The following TCF12 variants were observed in gnomAD, a reference collection of about 807,000 sequenced individuals.
TCF12 encodes the protein transcription factor 12, also known as DNA-binding protein HTF4.
TCF12 carries 45 observed loss-of-function variants against 86.0 expected under a neutral mutation model. The ratio of observed to expected loss-of-function variants is 0.52; its 90% CI spans 0.41 to 0.67. TCF12 has a LOEUF of 0.67. Among genes scored for constraint, TCF12 ranks in the 30% least tolerant of loss-of-function variants. The probability of loss-of-function intolerance (pLI) is 0.00; values close to 1 mark genes in which losing one functional copy is unlikely to be tolerated. For synonymous variants in TCF12, 330 were observed against 299.6 expected (o/e 1.10, Z -1.05); for missense variants, 881 against 859.9 (o/e 1.02, Z -0.31).
chr15:57,174,985 C>T lies in TCF12; in HGVS notation c.390+8519C>T, dbSNP rs1256315988. On this transcript the variant is annotated intron_variant, in intron 6 of 20. Transcript: ENST00000333725. The stretch of plus-strand genomic sequence containing the variant: ...AGAAAACAAAACAAAAACTAAAAGA[C>T]TTCTGCTTATCAAAAGACATAGGTT... Among the ~76,000 whole-genome samples the T allele has an allele frequency of 5.3e-5, 8 of 152,090 alleles. No individual in the cohort carries two copies. The South Asian group carries it at 1.7e-3, about 32-fold the overall frequency.
chr15:57,284,523 T>C (rs1248697812), intron 20 of TCF12, among the ~76,000 whole-genome samples: 2 of 152,226 alleles, frequency 1.3e-5, no homozygotes, highest in Non-Finnish European at 2.9e-5. Context: ...AAATTAACTT[T>C]GAAGTTTTAA....
intron 3 of TCF12, among the ~76,000 whole-genome samples, chr15:57,034,857 A>G (rs1287748512): frequency 6.6e-6 from 1 of 152,226 alleles, no homozygotes; most frequent in Non-Finnish European, 1.5e-5. Context: ...AACAGTGAGA[A>G]ATAATCTGTA....
chr15:56,984,292 G>GTGTC (rs1489201502), intron 3 of TCF12, among the ~76,000 whole-genome samples: 2 of 149,512 alleles, frequency 1.3e-5, no homozygotes. Context: ...GTGTGTGTGT[G>GTGTC]TGAAGGGTGG....
rs558581004 is a variant in TCF12 at position 57,111,864 on chromosome 15, A to G, written c.325+19973A>G. Among the ~76,000 whole-genome samples the G allele has an allele frequency of 7.9e-5, 12 of 152,278 alleles. No individual in the cohort carries two copies. The South Asian group carries it at 2.5e-3, about 32-fold the overall frequency. On this transcript the variant is annotated intron_variant, in intron 5 of 20. Transcript: ENST00000333725. ...AGCCTCAGCCTTTCGGAGTGCTAGG[A>G]TTACAGGCATTAGCCACCGCACCTG...
intron 3 of TCF12, among the ~76,000 whole-genome samples, chr15:56,991,521 G>A (rs1281007024): frequency 6.6e-6 from 1 of 152,128 alleles, no homozygotes; most frequent in African/African-American, 2.4e-5. Context: ...GTAAAGTTTG[G>A]ACCTATTTAT....
chr15:57,231,201 G>C lies in TCF12; in HGVS notation c.629G>C (p.Ser210Thr), dbSNP rs772275976. 3 of 1,613,170 alleles carry C rather than the reference G, an allele frequency of 1.9e-6. No homozygotes were observed. In the South Asian group the frequency reaches 3.3e-5, roughly 18 times the overall value. Residue 210 changes from serine (S) to threonine (T), a missense_variant, in exon 9 of 21, where the codon AGT becomes ACT. By Grantham distance (58) the Ser-to-Thr change is moderately conservative. Coordinates refer to ENST00000333725, the MANE Select transcript of TCF12 (RefSeq NM_207037.2). ...NSDDFNRESP[S>T]YPSPKPPTSM... is the part of the protein sequence containing the mutation. The stretch of plus-strand genomic sequence containing the variant: ...GATGATTTCAACCGTGAATCTCCTA[G>C]TTATCCATCTCCTAAGCCACCAACC...
rs1307256963 is a variant in TCF12 at position 57,170,707 on chromosome 15, TATATA to T, written c.390+4247_390+4251del. Among the ~76,000 whole-genome samples the T allele has an allele frequency of 3.4e-3, 50 of 14,742 alleles. 2 individuals are homozygous for T. Among genetic ancestry groups the T allele is most frequent in the African/African-American group, 9.9e-3 (33 of 3,320 alleles). 9.7% of individuals were successfully genotyped at this position (14,742 alleles called of 152,430 possible). Reference sequence around the variant, plus strand: ...TATATATAATATATATTATATATAATATATAATATATATATTATATATTATATATA... The same window carrying T: ...TATATATAATATATATTATATATAATATATATATATTATATATTATATATA... On this transcript the variant is annotated intron_variant, in intron 6 of 20. Transcript: ENST00000333725.
chr15:56,942,764 ATTCCT>A (rs2060835432), intron 3 of TCF12, among the ~76,000 whole-genome samples: 1 of 152,154 alleles, frequency 6.6e-6, no homozygotes, highest in Non-Finnish European at 1.5e-5. Context: ...TTAATTTTAT[ATTCCT>A]TTCCATTTCT....
chr15:56,925,679 A>G (rs987554097), intron 3 of TCF12, among the ~76,000 whole-genome samples: 4 of 152,228 alleles, frequency 2.6e-5, no homozygotes, highest in Non-Finnish European at 2.9e-5. Context: ...ACTATTAGAA[A>G]GGCTCTCCTG....
intron 12 of TCF12, among the ~76,000 whole-genome samples, chr15:57,236,414 A>C: frequency 6.6e-6 from 1 of 152,204 alleles, no homozygotes; most frequent in Non-Finnish European, 1.5e-5. Context: ...CATGCATATC[A>C]TAATTTTATG....
At chr15:56,925,170 C>A (rs1175805789) in intron 3 of TCF12, among the ~76,000 whole-genome samples, 2 of 152,070 alleles carry the variant, frequency 1.3e-5, no homozygotes, top group Non-Finnish European at 2.9e-5. Flanking sequence ...CCAGTGTACT[C>A]CAGTCTTGGC....
chr15:57,200,313 C>T (rs561450134), intron 8 of TCF12, among the ~76,000 whole-genome samples: 9 of 152,208 alleles, frequency 5.9e-5, no homozygotes, highest in African/African-American at 1.9e-4. Context: ...CCTAAGAACA[C>T]TTAAGGTTAT....
At chr15:57,113,872 C>A (rs2050665015) in intron 5 of TCF12, among the ~76,000 whole-genome samples, 1 of 151,652 alleles carries the variant, frequency 6.6e-6, no homozygotes, top group South Asian at 2.1e-4. Flanking sequence ...AGGAGGATAG[C>A]TTGAGCCCAG....
At chr15:57,213,170 C>G (rs1392835042) in intron 8 of TCF12, among the ~76,000 whole-genome samples, 1 of 152,146 alleles carries the variant, frequency 6.6e-6, no homozygotes, top group Admixed American at 6.5e-5. Context: ...ATGACTGACA[C>G]CATTTCCCAT....
chr15:57,205,356 G>T (rs1219644269), intron 8 of TCF12, among the ~76,000 whole-genome samples: 2 of 152,128 alleles, frequency 1.3e-5, no homozygotes, highest in Admixed American at 6.5e-5. Context: ...AGACTAGCAA[G>T]AAATCTACTG....
At chr15:56,964,921 G>T (rs1314761190) in intron 3 of TCF12, among the ~76,000 whole-genome samples, 1 of 152,080 alleles carries the variant, frequency 6.6e-6, no homozygotes, top group Non-Finnish European at 1.5e-5. Flanking sequence ...CTGTATCAGG[G>T]ATACTCTTAT....
intron 13 of TCF12, among the ~76,000 whole-genome samples, chr15:57,250,162 T>C (rs1204571675): frequency 6.6e-6 from 1 of 152,222 alleles, no homozygotes; most frequent in African/African-American, 2.4e-5. Context: ...GGAAATTTTT[T>C]AATAGATGAC....
At chr15:57,130,149 T>C (rs1419512911) in intron 5 of TCF12, among the ~76,000 whole-genome samples, 1 of 152,218 alleles carries the variant, frequency 6.6e-6, no homozygotes, top group African/African-American at 2.4e-5. Context: ...CACTTTGACC[T>C]CTCTAGGATA....
chr15:57,197,887 C>T, intron 8 of TCF12, 62 bp downstream of exon 8: 1 of 1,542,876 alleles, frequency 6.5e-7, no homozygotes, highest in South Asian at 1.1e-5. Flanking sequence ...TTCCGTATTA[C>T]CTTGCTACAA....
Sources: allele counts gnomAD v4.1 joint callset (sites outside exome capture counted in the v4.1 genomes callset), GRCh38; gene constraint gnomAD v4.1.1; transcripts MANE v1.5; gene names NCBI Gene and HGNC (gene_info 2026-07-23, HGNC 2026-07-21).